Variants in MAP2 observed in about 807,000 individuals in gnomAD.
MAP2 encodes the protein microtubule associated protein 2, also known as microtubule-associated protein 2.
In MAP2, 14 loss-of-function variants were observed where a neutral mutation model predicts 137.6. The observed-to-expected ratio is 0.10, with a 90% CI of 0.07 to 0.16. MAP2 has a LOEUF of 0.16. Among genes scored for constraint, MAP2 ranks in the 10% least tolerant of loss-of-function variants. The probability of loss-of-function intolerance (pLI) is 1.00; values close to 1 mark genes in which losing one functional copy is unlikely to be tolerated. For missense variants in MAP2, 2,088 were observed against 2,191.5 expected, an observed-to-expected ratio of 0.95 and a Z score of 0.94; for synonymous variants, 786 against 782.3, an observed-to-expected ratio of 1.00 and a Z score of -0.08.
chr2:209,714,038 A>C (rs929385100), intron 13 of MAP2, among the ~76,000 whole-genome samples: 1 of 118,858 alleles, frequency 8.4e-6, no homozygotes, highest in African/African-American at 3.5e-5. Flanking sequence ...CTAAAAGTAC[A>C]AAAAAAAAAG....
chr2:209,704,550 ACAG>A, intron 11 of MAP2: 1 of 1,612,880 alleles, frequency 6.2e-7, no homozygotes, highest in Non-Finnish European at 8.5e-7. Flanking sequence ...ACATTTTCTG[ACAG>A]TTTATTAATA....
In MAP2 at chr2:209,693,552, A is replaced by G; in HGVS notation, c.1382A>G (p.Lys461Arg). Residue 461 changes from lysine (K) to arginine (R), a missense_variant, in exon 8 of 16, where the codon AAA (lysine) becomes AGA (arginine). By Grantham distance (26) the Lys-to-Arg change is conservative. This residue lies in a region of MAP2 where 859 missense variants were observed against 794.5 expected (regional missense o/e 1.08). Coordinates refer to ENST00000682079, the MANE Select transcript of MAP2 (RefSeq NM_001375505.1). The stretch of plus-strand genomic sequence containing the variant: ...AAAGAAGCTGTGCCAAAAGAGAGTA[A>G]ACCCCCAAAACCTGCAGATGAAGAA... ...SDKEAVPKESKPPKPADEEIG... is the reference protein window; with the variant it reads ...SDKEAVPKESRPPKPADEEIG... 6.2e-7 allele frequency: 1 copy of G among 1,611,864 alleles called. No homozygotes were observed. The highest frequency in any genetic ancestry group is 8.5e-7 in the Non-Finnish European group (1 of 1,179,538).
intron 4 of MAP2, among the ~76,000 whole-genome samples, chr2:209,648,339 T>A (rs946481570): frequency 1.3e-5 from 2 of 152,066 alleles, no homozygotes; most frequent in African/African-American, 4.8e-5. Flanking sequence ...GACCTCATGA[T>A]CCACCCGACT....
chr2:209,696,548 A>G lies in MAP2; in HGVS notation c.4187A>G (p.Asp1396Gly). ...GATTTGCTTTGATCCACAGATGATG[A>G]TAGGAGCATCATGACAGAACAGTTA... ...DSLWVDTQDDDRSIMTEQLET... is the reference protein window; with the variant it reads ...DSLWVDTQDDGRSIMTEQLET... Residue 1396 changes from aspartate to glycine, a missense_variant, in exon 9 of 16, where the codon GAT becomes GGT. Physicochemically the swap from Asp to Gly is moderately conservative, Grantham distance 94. Around this residue, in one of 6 missense-constraint regions of MAP2, gnomAD observed 591 missense variants for 642.6 expected, o/e 0.92. Coordinates refer to ENST00000682079, the MANE Select transcript of MAP2 (RefSeq NM_001375505.1). 6.2e-7 allele frequency: 1 copy of G among 1,609,830 alleles called. No homozygotes were observed. Among genetic ancestry groups the G allele is most frequent in the Non-Finnish European group, 8.5e-7 (1 of 1,178,058 alleles).
intron 2 of MAP2, among the ~76,000 whole-genome samples, chr2:209,556,664 A>T (rs1231122166): frequency 1.3e-5 from 1 of 77,830 alleles, no homozygotes; most frequent in South Asian, 6.0e-4. Flanking sequence ...TGGCCTATTA[A>T]AAAAAAAAAA....
chr2:209,548,591 TA>T (rs2068545871), intron 2 of MAP2, among the ~76,000 whole-genome samples: 1 of 152,180 alleles, frequency 6.6e-6, no homozygotes, highest in Admixed American at 6.5e-5. Flanking sequence ...CATAAGAGAC[TA>T]AGTGCCTGGT....
intron 1 of MAP2, among the ~76,000 whole-genome samples, chr2:209,467,959 A>G (rs1444726729): frequency 6.6e-6 from 1 of 152,210 alleles, no homozygotes; most frequent in Non-Finnish European, 1.5e-5. Flanking sequence ...GTTACATAAA[A>G]TAATTAAGAA....
At chr2:209,669,164 A>T (rs1297005941) in intron 5 of MAP2, among the ~76,000 whole-genome samples, 1 of 152,098 alleles carries the variant, frequency 6.6e-6, no homozygotes, top group Non-Finnish European at 1.5e-5. Flanking sequence ...ACTTGCTAAG[A>T]AGAAAGCAGA....
chr2:209,494,380 A>G (rs2059489989), intron 1 of MAP2, among the ~76,000 whole-genome samples: 1 of 151,716 alleles, frequency 6.6e-6, no homozygotes, highest in Non-Finnish European at 1.5e-5. Context: ...ATATATACCT[A>G]TGTAACAAAC....
chr2:209,620,403 G>C (rs1347811558), intron 3 of MAP2, among the ~76,000 whole-genome samples: 5 of 152,178 alleles, frequency 3.3e-5, no homozygotes, highest in Admixed American at 6.5e-5. Context: ...ATAGGAATTT[G>C]CTAACAGCTC....
chr2:209,495,041 A>G (rs1445713820), intron 1 of MAP2, among the ~76,000 whole-genome samples: 4 of 152,234 alleles, frequency 2.6e-5, no homozygotes, highest in African/African-American at 9.6e-5. Flanking sequence ...CTTTGCCTTA[A>G]TAAAAGACAT....
chr2:209,570,663 G>A (rs2074247837), intron 2 of MAP2, among the ~76,000 whole-genome samples: 2 of 151,884 alleles, frequency 1.3e-5, no homozygotes, highest in East Asian at 1.9e-4. Flanking sequence ...ATATGTTGGC[G>A]ATTCTGAGAA....
chr2:209,558,018 A>T (rs1475955059), intron 2 of MAP2, among the ~76,000 whole-genome samples: 1 of 152,198 alleles, frequency 6.6e-6, no homozygotes, highest in Non-Finnish European at 1.5e-5. Context: ...GCTACAGAAC[A>T]ATTGAAAGAA....
chr2:209,636,900 A>G (rs1367044113), intron 4 of MAP2, among the ~76,000 whole-genome samples: 1 of 152,164 alleles, frequency 6.6e-6, no homozygotes, highest in African/African-American at 2.4e-5. Context: ...AGTAATGACA[A>G]GCCTATCCTG....
At chr2:209,493,767 A>G (rs2059412256) in intron 1 of MAP2, among the ~76,000 whole-genome samples, 1 of 152,240 alleles carries the variant, frequency 6.6e-6, no homozygotes, top group South Asian at 2.1e-4. Flanking sequence ...GGTGATCATT[A>G]AAAAGTCAGG....
chr2:209,552,008 G>A (rs139216625), intron 2 of MAP2, among the ~76,000 whole-genome samples: 3 of 152,114 alleles, frequency 2.0e-5, no homozygotes, highest in Admixed American at 6.5e-5. Context: ...AGATTAAATG[G>A]CTCAAAGTGC....
At chr2:209,575,323 C>T (rs2075144584) in intron 2 of MAP2, among the ~76,000 whole-genome samples, 1 of 151,780 alleles carries the variant, frequency 6.6e-6, no homozygotes, top group South Asian at 2.1e-4. Context: ...AGATCGAGAC[C>T]ATCCTGGCTA....
chr2:209,607,409 T>G (rs1004665176), intron 3 of MAP2, among the ~76,000 whole-genome samples: 20 of 152,136 alleles, frequency 1.3e-4, no homozygotes, highest in Admixed American at 1.3e-3. Flanking sequence ...CTCAGATGTC[T>G]TCAAATTAAT....
intron 7 of MAP2, chr2:209,684,594 G>A (rs918638984): frequency 1.3e-5 from 2 of 152,154 alleles, no homozygotes; most frequent in Non-Finnish European, 2.9e-5. Context: ...ATTTTCAAAT[G>A]CTTTATTTAA....
Sources: gnomAD v4.1 joint callset for allele counts (sites outside exome capture counted in the v4.1 genomes callset) on GRCh38, gnomAD v4.1.1 for gene constraint, gnomAD v4.1.1 regional missense constraint, MANE v1.5 for transcripts, NCBI Gene and HGNC (gene_info 2026-07-23, HGNC 2026-07-21) for gene names.